ERC1: variants seen among roughly 807,000 people sequenced by gnomAD.
The protein encoded by ERC1 is RAB6 interacting protein 2.
A neutral mutation model predicts 132.0 loss-of-function variants in ERC1; 56 were observed. The observed-to-expected ratio is 0.42, with a 90% confidence interval of 0.34 to 0.53. The LOEUF (loss-of-function observed/expected upper bound fraction) is 0.53. Among genes scored for constraint, ERC1 ranks in the 20% least tolerant of loss-of-function variants. The probability of loss-of-function intolerance (pLI) is 0.03; values close to 1 mark genes in which losing one functional copy is unlikely to be tolerated. For synonymous variants in ERC1, 478 were observed against 476.1 expected (o/e 1.00, Z -0.05); for missense variants, 1,202 against 1,349.9 (o/e 0.89, Z 1.72).
chr12:1,438,216 A>G (rs566071585), intron 17 of ERC1, among the ~76,000 whole-genome samples: 44 of 152,316 alleles, frequency 2.9e-4, no homozygotes, highest in African/African-American at 7.9e-4. Context: ...CCTGAAGTAC[A>G]TTATTGACTA....
At chr12:1,472,287 T>C (rs929677097) in intron 18 of ERC1, among the ~76,000 whole-genome samples, 1 of 152,186 alleles carries the variant, frequency 6.6e-6, no homozygotes, top group Non-Finnish European at 1.5e-5. Context: ...GCAGAGAAGC[T>C]CTTGATTTGT....
chr12:1,345,853 A>T (rs2084401107), intron 15 of ERC1, among the ~76,000 whole-genome samples: 1 of 152,188 alleles, frequency 6.6e-6, no homozygotes, highest in South Asian at 2.1e-4. Flanking sequence ...GGAAAGACTG[A>T]TGCTGAATTC....
chr12:1,145,878 CAGTA>C (rs1170129235), intron 8 of ERC1, among the ~76,000 whole-genome samples: 1 of 152,106 alleles, frequency 6.6e-6, no homozygotes, highest in Non-Finnish European at 1.5e-5. Context: ...GATCAGTTGG[CAGTA>C]AGTGTCTGGC....
intron 8 of ERC1, among the ~76,000 whole-genome samples, chr12:1,160,399 C>T (rs1951778645): frequency 6.6e-6 from 1 of 152,036 alleles, no homozygotes; most frequent in Admixed American, 6.6e-5. Flanking sequence ...AATCTATATT[C>T]CTATTTGTCC....
At position 1,365,371 on chromosome 12, in the gene ERC1, G is replaced by A. The variant is rs916703110; in HGVS notation, c.2781-6462G>A. On this transcript the variant is annotated intron_variant, in intron 15 of 18. Coordinates refer to ENST00000360905, the MANE Select transcript of ERC1 (RefSeq NM_178040.4). Reference sequence around the variant, plus strand: ...AAAGTGCAGTGAAATACAGCTTCAGGATAGGTGAAAACACTGAACAGCGGG... The same window carrying A: ...AAAGTGCAGTGAAATACAGCTTCAGAATAGGTGAAAACACTGAACAGCGGG... 1.2e-4 allele frequency among the ~76,000 whole-genome samples: 18 copies of A among 152,200 alleles called. 1 individual carries two copies. Among genetic ancestry groups the A allele is most frequent in the African/African-American group, 4.3e-4 (18 of 41,528 alleles).
At chr12:1,293,629 CAA>C (rs570069080) in intron 15 of ERC1, among the ~76,000 whole-genome samples, 16 of 110,464 alleles carry the variant, frequency 1.4e-4, no homozygotes, top group African/African-American at 9.7e-5. Context: ...AACTCTGTCT[CAA>C]AAAAAAAAAA....
intron 17 of ERC1, among the ~76,000 whole-genome samples, chr12:1,421,437 T>C (rs1365537792): frequency 6.6e-6 from 1 of 152,160 alleles, no homozygotes; most frequent in Admixed American, 6.5e-5. Context: ...GAACGGGTAC[T>C]GCTGATTGGT....
Position 1,374,671 on chromosome 12 carries a change from A to G in ERC1, c.2925+2694A>G, listed in dbSNP as rs370715625. ...GTTTAGTCACAGCAGTTGTCACAAG[A>G]TGGCCTTTCTCTCAGCATTGTTTTC... is the stretch of plus-strand genomic sequence containing the variant. On this transcript the variant is annotated intron_variant, in intron 16 of 18. Coordinates refer to ENST00000360905, the MANE Select transcript of ERC1 (RefSeq NM_178040.4). Among the ~76,000 whole-genome samples, 21 of 152,226 alleles carry G rather than the reference A, an allele frequency of 1.4e-4. 1 individual carries two copies. In the East Asian group the frequency reaches 2.5e-3, roughly 18 times the overall value.
chr12:1,485,720 T>C (rs1189964716), intron 18 of ERC1, among the ~76,000 whole-genome samples: 2 of 133,856 alleles, frequency 1.5e-5, no homozygotes, highest in Non-Finnish European at 3.4e-5. Context: ...TTCAATTAAA[T>C]GTATAGCTCT....
chr12:997,601 G>A (rs1961191110), intron 1 of ERC1, among the ~76,000 whole-genome samples: 1 of 152,194 alleles, frequency 6.6e-6, no homozygotes, highest in Non-Finnish European at 1.5e-5. Context: ...CTAGTTGCCA[G>A]CATATCCTTA....
At chr12:1,197,216 A>G (rs113145902) in intron 12 of ERC1, among the ~76,000 whole-genome samples, 11,461 of 151,742 alleles carry the variant, frequency 0.076, 603 homozygotes, top group African/African-American at 0.13. Context: ...CCTGGCCTCA[A>G]GTGATCCGCC....
intron 16 of ERC1, among the ~76,000 whole-genome samples, chr12:1,405,728 A>G (rs1478804334): frequency 6.6e-6 from 1 of 151,960 alleles, no homozygotes; most frequent in Non-Finnish European, 1.5e-5. Flanking sequence ...ATGGATATCT[A>G]TTCAGCCAAA....
At chr12:1,330,437 T>C (rs1038178476) in intron 15 of ERC1, among the ~76,000 whole-genome samples, 3 of 151,124 alleles carry the variant, frequency 2.0e-5, no homozygotes, top group Admixed American at 6.6e-5. Flanking sequence ...CTTCTCCCAG[T>C]TTTTGTATTA....
chr12:1,438,010 A>C (rs905954469), intron 17 of ERC1, among the ~76,000 whole-genome samples: 2 of 151,970 alleles, frequency 1.3e-5, no homozygotes, highest in Non-Finnish European at 2.9e-5. Context: ...TATTTCTATT[A>C]GTAGTGAGAT....
chr12:1,062,849 A>G (rs1432478101), intron 2 of ERC1, among the ~76,000 whole-genome samples: 3 of 152,172 alleles, frequency 2.0e-5, no homozygotes, highest in Non-Finnish European at 4.4e-5. Flanking sequence ...CTATGTCTCT[A>G]GCTCTAATAA....
chr12:1,482,608 G>A (rs1395486192), intron 18 of ERC1, among the ~76,000 whole-genome samples: 3 of 151,894 alleles, frequency 2.0e-5, no homozygotes, highest in Admixed American at 6.6e-5. Context: ...CACCACGCCC[G>A]GCTAATTTTT....
chr12:1,267,537 T>C (rs545952073), intron 14 of ERC1, among the ~76,000 whole-genome samples: 2 of 152,342 alleles, frequency 1.3e-5, no homozygotes, highest in South Asian at 2.1e-4. Context: ...CGCTGGAGGA[T>C]TGCTTGAAGC....
intron 3 of ERC1, among the ~76,000 whole-genome samples, chr12:1,095,241 C>G (rs1022115414): frequency 7.2e-5 from 11 of 151,868 alleles, no homozygotes; most frequent in African/African-American, 2.7e-4. Flanking sequence ...ATCAGCCTGG[C>G]CAACATGCTG....
chr12:1,073,125 C>A (rs937794556), intron 2 of ERC1, among the ~76,000 whole-genome samples: 1 of 151,982 alleles, frequency 6.6e-6, no homozygotes, highest in Non-Finnish European at 1.5e-5. Context: ...TATGGTGAAA[C>A]CTCGTCTCTA....
Sources: allele counts gnomAD v4.1 joint callset (sites outside exome capture counted in the v4.1 genomes callset), GRCh38; gene constraint gnomAD v4.1.1; transcripts MANE v1.5; gene names NCBI Gene and HGNC (gene_info 2026-07-23, HGNC 2026-07-21).